Variants in AGBL4 observed in about 807,000 individuals in gnomAD.
AGBL4 encodes the protein AGBL carboxypeptidase 4.
A neutral mutation model predicts 66.4 loss-of-function variants in AGBL4; 58 were observed. The ratio of observed to expected loss-of-function variants is 0.87; its 90% CI spans 0.71 to 1.09. The LOEUF (loss-of-function observed/expected upper bound fraction) is 1.09. Ranked by LOEUF, AGBL4 falls within the 50% of genes least tolerant of loss-of-function variation. AGBL4 has a pLI of 0.00. For missense variants in AGBL4, 579 were observed against 631.0 expected (o/e 0.92, Z 0.88); for synonymous variants, 234 against 222.9 (o/e 1.05, Z -0.44).
intron 1 of AGBL4, among the ~76,000 whole-genome samples, chr1:49,926,653 AAC>A (rs1415113633): frequency 2.6e-5 from 4 of 152,232 alleles, no homozygotes; most frequent in Non-Finnish European, 5.9e-5. Context: ...AATCTAAGAT[AAC>A]ACAGAGAAGA....
At chr1:49,901,551 AATGGAAAAACATTCCATGCTC>A (rs1168206267) in intron 1 of AGBL4, among the ~76,000 whole-genome samples, 1 of 152,208 alleles carries the variant, frequency 6.6e-6, no homozygotes, top group Non-Finnish European at 1.5e-5. Context: ...GACACAAGCA[AATGGAAAAACATTCCATGCTC>A]ATGGAAAGGA....
At chr1:49,395,817 A>ATG (rs1491217388) in intron 3 of AGBL4, among the ~76,000 whole-genome samples, 1 of 82,192 alleles carries the variant, frequency 1.2e-5, no homozygotes, top group Non-Finnish European at 2.4e-5. Context: ...ATATGTATAC[A>ATG]TATATATATA....
At position 49,755,130 on chromosome 1, in the gene AGBL4, A is replaced by G. The variant is rs371208099; in HGVS notation, c.158-57693T>C. Among the ~76,000 whole-genome samples the G allele has an allele frequency of 3.3e-5, 5 of 152,324 alleles. No individual in the cohort carries two copies. In the South Asian group the frequency reaches 1.0e-3, roughly 32 times the overall value. Reference sequence around the variant, plus strand: ...GGTACCAGGGCCTAGCCAAGTTGAGACATAAAATTAACCATCACATCAACC... The same window carrying G: ...GGTACCAGGGCCTAGCCAAGTTGAGGCATAAAATTAACCATCACATCAACC... On this transcript the variant is annotated intron_variant, in intron 2 of 13. Coordinates refer to ENST00000371839, the MANE Select transcript of AGBL4 (RefSeq NM_032785.4).
At chr1:48,534,485 T>A (rs1471299746) in intron 13 of AGBL4, among the ~76,000 whole-genome samples, 192 bp from the exon 14 acceptor site, 1 of 152,122 alleles carries the variant, frequency 6.6e-6, no homozygotes, top group Non-Finnish European at 1.5e-5. Context: ...TGCTTATAGC[T>A]TAGGAGAGGG....
At chr1:49,296,534 T>C (rs1321101963) in intron 3 of AGBL4, among the ~76,000 whole-genome samples, 2 of 152,178 alleles carry the variant, frequency 1.3e-5, no homozygotes, top group African/African-American at 4.8e-5. Context: ...GTTAGGAGTA[T>C]GTCTAAATGA....
rs1180968677 is a variant in AGBL4 at position 49,405,787 on chromosome 1, T to TA, written c.283-159924dup. The stretch of plus-strand genomic sequence containing the variant: ...TATCATGGGTGTGTGGAAGTAACAG[T>TA]AAAAAACAAGATGTTTGCCAAATAT... On this transcript the variant is annotated intron_variant, in intron 3 of 13. Transcript: ENST00000371839. Among the ~76,000 whole-genome samples the TA allele has an allele frequency of 3.3e-5, 5 of 152,142 alleles. No individual in the cohort carries two copies. The East Asian group carries it at 9.6e-4, about 29-fold the overall frequency.
chr1:49,229,237 A>G (rs996017382), intron 4 of AGBL4, among the ~76,000 whole-genome samples: 2 of 152,232 alleles, frequency 1.3e-5, no homozygotes, highest in African/African-American at 4.8e-5. Context: ...ATCAAGGTGT[A>G]TTATAAATAG....
intron 1 of AGBL4, among the ~76,000 whole-genome samples, chr1:49,961,341 T>G (rs1657104626): frequency 6.6e-6 from 1 of 151,974 alleles, no homozygotes. Flanking sequence ...AGACACCATC[T>G]CTACAAAAAA....
At chr1:48,781,558 A>G (rs1026103625) in intron 6 of AGBL4, among the ~76,000 whole-genome samples, 1 of 152,228 alleles carries the variant, frequency 6.6e-6, no homozygotes, top group African/African-American at 2.4e-5. Context: ...TAAAGAGGCA[A>G]CTGCAAACTT....
At chr1:49,707,386 T>G (rs1348515135) in intron 2 of AGBL4, among the ~76,000 whole-genome samples, 2 of 148,946 alleles carry the variant, frequency 1.3e-5, no homozygotes, top group Non-Finnish European at 3.0e-5. Flanking sequence ...TTTTTTTTTT[T>G]TTGCTTATCA....
intron 2 of AGBL4, among the ~76,000 whole-genome samples, chr1:49,702,927 A>G (rs529004780): frequency 6.6e-6 from 1 of 152,266 alleles, no homozygotes; most frequent in East Asian, 1.9e-4. Context: ...GATGAACACA[A>G]GGGACCTTCC....
At chr1:48,985,513 C>T (rs993978555) in intron 5 of AGBL4, among the ~76,000 whole-genome samples, 4 of 152,020 alleles carry the variant, frequency 2.6e-5, no homozygotes. Flanking sequence ...AACTAGAAAC[C>T]TCATAATTCA....
At chr1:49,281,326 T>G (rs1293750666) in intron 3 of AGBL4, among the ~76,000 whole-genome samples, 1 of 152,214 alleles carries the variant, frequency 6.6e-6, no homozygotes, top group Non-Finnish European at 1.5e-5. Context: ...CAAACTGGTC[T>G]GACAATGACT....
At chr1:48,724,374 C>A (rs1351945370) in intron 6 of AGBL4, among the ~76,000 whole-genome samples, 1 of 152,114 alleles carries the variant, frequency 6.6e-6, no homozygotes, top group Non-Finnish European at 1.5e-5. Flanking sequence ...CTCACTTTAC[C>A]CCTGTGTGTG....
At position 48,681,449 on chromosome 1, in the gene AGBL4, GCC is replaced by G. The variant is rs1557875363; in HGVS notation, c.635-18210_635-18209del. ...CTGAGCATCAGCCTCAAATGCTCCT[GCC>G]CATCAGGGAGGATTACTGGGGTGAG... On this transcript the variant is annotated intron_variant, in intron 6 of 13. Coordinates refer to ENST00000371839, the MANE Select transcript of AGBL4 (RefSeq NM_032785.4). Among the ~76,000 whole-genome samples the G allele has an allele frequency of 1.1e-4, 16 of 152,138 alleles. 1 individual carries two copies. The highest frequency in any genetic ancestry group is 2.4e-4 in the Non-Finnish European group (16 of 68,004).
intron 9 of AGBL4, among the ~76,000 whole-genome samples, chr1:48,595,761 T>C (rs1333897534): frequency 1.3e-5 from 2 of 152,178 alleles, no homozygotes; most frequent in Non-Finnish European, 2.9e-5. Context: ...GGGTTTTCTT[T>C]CTCTATTCTG....
intron 3 of AGBL4, among the ~76,000 whole-genome samples, chr1:49,253,783 G>A (rs1247264743): frequency 1.3e-5 from 2 of 151,294 alleles, no homozygotes; most frequent in African/African-American, 4.9e-5. Flanking sequence ...TACTGGCAGA[G>A]AGAATCCAGG....
intron 9 of AGBL4, among the ~76,000 whole-genome samples, chr1:48,604,220 A>G (rs560392472): frequency 2.0e-5 from 3 of 152,184 alleles, no homozygotes; most frequent in Non-Finnish European, 4.4e-5. Context: ...GAGACCCACT[A>G]CAAAGCAAGA....
At chr1:48,962,980 T>C (rs1658122921) in intron 5 of AGBL4, among the ~76,000 whole-genome samples, 1 of 151,324 alleles carries the variant, frequency 6.6e-6, no homozygotes, top group South Asian at 2.1e-4. Flanking sequence ...TGGCATGTAG[T>C]AGGCTATCAA....
Sources: gnomAD v4.1 joint callset for allele counts (sites outside exome capture counted in the v4.1 genomes callset) on GRCh38, gnomAD v4.1.1 for gene constraint, MANE v1.5 for transcripts, NCBI Gene and HGNC (gene_info 2026-07-23, HGNC 2026-07-21) for gene names.